The following CRACDL variants were observed in gnomAD, a reference collection of about 807,000 sequenced individuals.
CRACDL encodes CRACD-like protein.
Under a neutral mutation model 70.6 loss-of-function variants are expected in CRACDL, and 26 were observed. The observed-to-expected ratio is 0.37, with a 90% CI of 0.27 to 0.51. CRACDL has a LOEUF of 0.51. CRACDL is among the 20% of genes least tolerant of loss of function. CRACDL has a pLI of 0.94. For synonymous variants in CRACDL, 618 were observed against 615.2 expected (o/e 1.00, Z -0.07); for missense variants, 1,283 against 1,376.9 (o/e 0.93, Z 1.08).
intron 1 of CRACDL, among the ~76,000 whole-genome samples, chr2:98,896,688 TG>T (rs1708134272): frequency 6.6e-6 from 1 of 152,186 alleles, no homozygotes; most frequent in Non-Finnish European, 1.5e-5. Context: ...GAGGGAGGGC[TG>T]GGGTCTGAGC....
Position 98,889,397 on chromosome 2 carries a change from T to C in CRACDL, c.-10-42587A>G, listed in dbSNP as rs537018555. On this transcript the variant is annotated intron_variant, in intron 1 of 9. Coordinates refer to ENST00000397899, the MANE Select transcript of CRACDL (RefSeq NM_207362.3). ...GGCTATACTAATAACAGAAAAAATA[T>C]TGTCTGTTTAAGATAAAAATTACTA... Among the ~76,000 whole-genome samples, 3 of 152,138 alleles carry C rather than the reference T, an allele frequency of 2.0e-5. No individual in the cohort carries two copies. In the South Asian group the frequency reaches 6.2e-4, roughly 32 times the overall value.
At chr2:98,925,888 TAC>T (rs1277897505) in intron 1 of CRACDL, among the ~76,000 whole-genome samples, 3 of 151,736 alleles carry the variant, frequency 2.0e-5, no homozygotes, top group Non-Finnish European at 2.9e-5. Context: ...CACACATGCA[TAC>T]ACACACACAC....
intron 1 of CRACDL, among the ~76,000 whole-genome samples, chr2:98,910,226 G>C (rs971125596): frequency 1.3e-5 from 2 of 152,066 alleles, no homozygotes; most frequent in African/African-American, 4.8e-5. Flanking sequence ...TGAAAACTAA[G>C]AAGCTCCTTG....
chr2:98,855,474 T>C (rs759033369), intron 1 of CRACDL, among the ~76,000 whole-genome samples: 1 of 152,114 alleles, frequency 6.6e-6, no homozygotes, highest in Non-Finnish European at 1.5e-5. Context: ...ATATGATAAA[T>C]TCCTTCACTA....
At chr2:98,854,307 A>G (rs1011111241) in intron 1 of CRACDL, among the ~76,000 whole-genome samples, 19 of 150,654 alleles carry the variant, frequency 1.3e-4, no homozygotes, top group African/African-American at 4.1e-4. Context: ...AAAAGAAAGA[A>G]AAGAAAACCA....
chr2:98,836,991 A>G (rs1045868185), intron 3 of CRACDL, among the ~76,000 whole-genome samples: 3 of 151,844 alleles, frequency 2.0e-5, no homozygotes, highest in East Asian at 3.9e-4. Flanking sequence ...AGGCTGAGGC[A>G]GGAGGATGGC....
At chr2:98,817,952 G>A (rs1284558197) in intron 7 of CRACDL, among the ~76,000 whole-genome samples, 1 of 152,132 alleles carries the variant, frequency 6.6e-6, no homozygotes, top group Non-Finnish European at 1.5e-5. Context: ...CAGACTAGAA[G>A]GAGAGCTGAC....
At chr2:98,895,648 G>A (rs1342577477) in intron 1 of CRACDL, among the ~76,000 whole-genome samples, 2 of 152,130 alleles carry the variant, frequency 1.3e-5, no homozygotes. Context: ...TAAGGTGTTT[G>A]GATTCTATTC....
In CRACDL at chr2:98,829,922, C is replaced by G. The variant is rs77208809; in HGVS notation, c.540+2426G>C. Reference sequence around the variant, plus strand: ...ATCTACCCAATCTCATCTCATCCCCCCAAAACCCTCTGAGCCAAAACCCTC... The same window carrying G: ...ATCTACCCAATCTCATCTCATCCCCGCAAAACCCTCTGAGCCAAAACCCTC... On this transcript the variant is annotated intron_variant, in intron 5 of 9. Transcript: ENST00000397899. Among the ~76,000 whole-genome samples the G allele has an allele frequency of 8.6e-3, 1,303 of 152,286 alleles. 9 individuals are homozygous for G. Among genetic ancestry groups the G allele is most frequent in the Non-Finnish European group, 0.013 (879 of 68,012 alleles).
At chr2:98,855,895 T>TA (rs1030229666) in intron 1 of CRACDL, among the ~76,000 whole-genome samples, 1 of 151,672 alleles carries the variant, frequency 6.6e-6, no homozygotes, top group African/African-American at 2.4e-5. Flanking sequence ...GTTGGCACAA[T>TA]AAAAAAATCA....
At chr2:98,922,673 C>T (rs186085799) in intron 1 of CRACDL, among the ~76,000 whole-genome samples, 2 of 152,206 alleles carry the variant, frequency 1.3e-5, no homozygotes, top group Non-Finnish European at 2.9e-5. Context: ...ACCTAGCTCT[C>T]CCTCACAGGG....
At chr2:98,901,000 C>T (rs1558631155) in intron 1 of CRACDL, among the ~76,000 whole-genome samples, 1 of 152,186 alleles carries the variant, frequency 6.6e-6, no homozygotes, top group East Asian at 1.9e-4. Context: ...TGAGCCCTTC[C>T]CCTCACTTAG....
intron 1 of CRACDL, among the ~76,000 whole-genome samples, chr2:98,852,607 G>T (rs527593741): frequency 6.6e-6 from 1 of 151,972 alleles, no homozygotes; most frequent in African/African-American, 2.4e-5. Flanking sequence ...AAAAGATAAA[G>T]AATTTCAAAT....
At chr2:98,901,070 C>G (rs181273376) in intron 1 of CRACDL, among the ~76,000 whole-genome samples, 1 of 152,212 alleles carries the variant, frequency 6.6e-6, no homozygotes, top group Non-Finnish European at 1.5e-5. Flanking sequence ...TGTAAAAGCA[C>G]GTGGCTCTGC....
intron 2 of CRACDL, among the ~76,000 whole-genome samples, chr2:98,839,845 C>T (rs910162298): frequency 6.6e-6 from 1 of 152,132 alleles, no homozygotes; most frequent in African/African-American, 2.4e-5. Context: ...TTCACAACAT[C>T]TATAGTGATT....
chr2:98,832,831 C>T (rs1470998229), intron 4 of CRACDL, 31 bp downstream of exon 4: 10 of 1,612,298 alleles, frequency 6.2e-6, no homozygotes, highest in Middle Eastern at 1.6e-4. Flanking sequence ...TTGACTTGCA[C>T]ACCAGGCGAC....
intron 1 of CRACDL, among the ~76,000 whole-genome samples, chr2:98,934,569 C>A (rs932812843): frequency 2.6e-5 from 4 of 152,120 alleles, no homozygotes; most frequent in South Asian, 2.1e-4. Flanking sequence ...GTTAGTGAGC[C>A]CCACATGACG....
chr2:98,865,861 C>T (rs926226399), intron 1 of CRACDL, among the ~76,000 whole-genome samples: 8 of 145,656 alleles, frequency 5.5e-5, no homozygotes, highest in Non-Finnish European at 1.0e-4. Flanking sequence ...AGTGCAGTGG[C>T]GCAACCTCAG....
intron 1 of CRACDL, among the ~76,000 whole-genome samples, chr2:98,880,490 G>A (rs1360086064): frequency 6.6e-6 from 1 of 152,200 alleles, no homozygotes; most frequent in East Asian, 1.9e-4. Flanking sequence ...GGCAGTGAGT[G>A]ACATCGCTGC....
Sources: allele counts gnomAD v4.1 joint callset (sites outside exome capture counted in the v4.1 genomes callset), GRCh38; gene constraint gnomAD v4.1.1; transcripts MANE v1.5; gene names NCBI Gene and HGNC (gene_info 2026-07-23, HGNC 2026-07-21).